DMD: variants seen among roughly 807,000 people sequenced by gnomAD.
DMD encodes the protein mutant dystrophin.
DMD carries 63 observed loss-of-function variants against 330.1 expected under a neutral mutation model. That is an observed-to-expected ratio of 0.19 (90% CI 0.16 to 0.24). DMD has a LOEUF of 0.24. Among genes scored for constraint, DMD ranks in the 10% least tolerant of loss-of-function variants. The pLI is 1.00. For synonymous variants in DMD, 1,223 were observed against 959.8 expected (o/e 1.27, Z -5.07); for missense variants, 3,344 against 2,684.1 (o/e 1.25, Z -5.43).
intron 41 of DMD, 38 bp from the exon 42 acceptor site, chrX:32,310,314 T>C (rs748492524): frequency 9.1e-7 from 1 of 1,099,891 alleles, no homozygotes; most frequent in Non-Finnish European, 1.3e-6. Context: ...TTTTTTAGCT[T>C]CCTAACAGTG....
intron 2 of DMD, among the ~76,000 whole-genome samples, chrX:32,933,486 C>A (rs1418567788): frequency 1.8e-5 from 2 of 111,993 alleles, no homozygotes; most frequent in Non-Finnish European, 3.8e-5. Context: ...AGATCTTAAT[C>A]TGTATAAAGC....
At chrX:31,918,513 G>C (rs1395009090) in intron 47 of DMD, among the ~76,000 whole-genome samples, 1 of 112,015 alleles carries the variant, frequency 8.9e-6, no homozygotes, top group Non-Finnish European at 1.9e-5. Flanking sequence ...TGAGAAGCTG[G>C]AAAGGGGTAT....
chrX:31,301,453 A>T, intron 62 of DMD, among the ~76,000 whole-genome samples: 1 of 111,907 alleles, frequency 8.9e-6, no homozygotes, highest in South Asian at 3.8e-4. Flanking sequence ...AAGCAAGCAC[A>T]TCTTCACACA....
chrX:32,143,025 G>C (rs891612104), intron 44 of DMD, among the ~76,000 whole-genome samples: 6 of 110,407 alleles, frequency 5.4e-5, no homozygotes, highest in Non-Finnish European at 9.5e-5. Flanking sequence ...TACACTGTTT[G>C]GAATATCTTT....
At chrX:32,464,473 A>G (rs1028730738) in intron 24 of DMD, 113 bp downstream of exon 24, 6 of 571,848 alleles carry the variant, frequency 1.0e-5, no homozygotes, top group Non-Finnish European at 1.8e-5. Flanking sequence ...AACATTAAAA[A>G]AAATCCACTG....
At chrX:32,735,399 G>T (rs900229485) in intron 7 of DMD, among the ~76,000 whole-genome samples, 1 of 110,722 alleles carries the variant, frequency 9.0e-6, no homozygotes, top group East Asian at 2.8e-4. Flanking sequence ...TTTCTTCACA[G>T]AATTGGAAAA....
intron 30 of DMD, among the ~76,000 whole-genome samples, chrX:32,394,941 A>AAAAAAAAAAATC (rs1569560917): frequency 4.0e-4 from 41 of 102,210 alleles, no homozygotes; most frequent in Non-Finnish European, 6.6e-4. Flanking sequence ...AAAGAAAAGA[A>AAAAAAAAAAATC]ATCATCATCA....
intron 55 of DMD, among the ~76,000 whole-genome samples, chrX:31,605,661 T>C (rs2148252109): frequency 9.0e-6 from 1 of 111,531 alleles, no homozygotes; most frequent in Non-Finnish European, 1.9e-5. Flanking sequence ...ATATATGAAT[T>C]GAATGTATCA....
chrX:32,809,676 A>G (rs2077201879), intron 6 of DMD, 65 bp from the exon 7 acceptor site: 1 of 961,945 alleles, frequency 1.0e-6, no homozygotes, highest in Non-Finnish European at 1.5e-6. Context: ...ATGTTCCATG[A>G]GATTTACTTC....
chrX:31,491,030 AT>A (rs2069249198), intron 57 of DMD, among the ~76,000 whole-genome samples: 1 of 112,611 alleles, frequency 8.9e-6, no homozygotes, highest in Non-Finnish European at 1.9e-5. Context: ...TAATGTATGT[AT>A]TGATTACTTC....
chrX:31,960,042 A>AG (rs1464153117), intron 45 of DMD, among the ~76,000 whole-genome samples: 1 of 108,548 alleles, frequency 9.2e-6, no homozygotes, highest in Non-Finnish European at 1.9e-5. Context: ...TATAGGTGTG[A>AG]GCCACCGCAT....
At chrX:31,336,596 G>C (rs773121949) in intron 61 of DMD, among the ~76,000 whole-genome samples, 1 of 112,675 alleles carries the variant, frequency 8.9e-6, no homozygotes, top group Admixed American at 9.4e-5. Context: ...CTAGTTTACA[G>C]TCTGGCCTGT....
intron 47 of DMD, among the ~76,000 whole-genome samples, chrX:31,899,990 T>C (rs994875258): frequency 1.8e-5 from 2 of 111,352 alleles, no homozygotes; most frequent in African/African-American, 6.5e-5. Flanking sequence ...TTACCTCAGA[T>C]TTACTAAGTC....
intron 1 of DMD, among the ~76,000 whole-genome samples, chrX:33,060,620 G>A (rs1003980682): frequency 1.8e-5 from 2 of 110,961 alleles, no homozygotes; most frequent in African/African-American, 6.6e-5. Flanking sequence ...ATCACCTGAG[G>A]TCTAGAGTTC....
intron 2 of DMD, among the ~76,000 whole-genome samples, chrX:32,949,282 A>G (rs2091037900): frequency 9.3e-6 from 1 of 107,433 alleles, no homozygotes; most frequent in Non-Finnish European, 1.9e-5. Flanking sequence ...ACACACACAC[A>G]CACACACACG....
chrX:32,288,462 T>A, intron 42 of DMD, among the ~76,000 whole-genome samples: 1 of 111,965 alleles, frequency 8.9e-6, no homozygotes. Flanking sequence ...TTGCTACAGA[T>A]CTGATAGAAG....
chrX:33,091,415 T>A (rs1051099892), intron 1 of DMD, among the ~76,000 whole-genome samples: 2 of 111,859 alleles, frequency 1.8e-5, no homozygotes, highest in Non-Finnish European at 3.8e-5. Flanking sequence ...TGGATTTTTA[T>A]GTAAAAGGTT....
chrX:33,307,774 A>G (rs2053786202), intron 1 of DMD, among the ~76,000 whole-genome samples: 1 of 111,734 alleles, frequency 8.9e-6, no homozygotes, highest in African/African-American at 3.3e-5. Context: ...CAGGCAGCAC[A>G]GTAAGCAGCG....
chrX:31,693,463 T>C (rs1437263400), intron 52 of DMD, among the ~76,000 whole-genome samples: 8 of 111,168 alleles, frequency 7.2e-5, no homozygotes, highest in East Asian at 5.7e-4. Context: ...GCAACCAAAC[T>C]GAAAAGGATG....
Sources: gnomAD v4.1 joint callset for allele counts (sites outside exome capture counted in the v4.1 genomes callset) on GRCh38, gnomAD v4.1.1 for gene constraint, MANE v1.5 for transcripts, NCBI Gene and HGNC (gene_info 2026-07-23, HGNC 2026-07-21) for gene names.